The following ERC1 variants were observed in gnomAD, a reference collection of about 807,000 sequenced individuals.
ERC1 encodes the protein RAB6 interacting protein 2.
In ERC1, 56 loss-of-function variants were observed where a neutral mutation model predicts 132.0. That is an observed-to-expected ratio of 0.42 (90% CI 0.34 to 0.53). The LOEUF is 0.53. Ranked by LOEUF, ERC1 falls within the 20% of genes least tolerant of loss-of-function variation. The probability of loss-of-function intolerance (pLI) is 0.03; values close to 1 mark genes in which losing one functional copy is unlikely to be tolerated. For synonymous variants in ERC1, 478 were observed against 476.1 expected, an observed-to-expected ratio of 1.00 and a Z score of -0.05; for missense variants, 1,202 against 1,349.9, an observed-to-expected ratio of 0.89 and a Z score of 1.72.
intron 8 of ERC1, among the ~76,000 whole-genome samples, chr12:1,170,739 G>A (rs979690741): frequency 6.6e-6 from 1 of 152,114 alleles, no homozygotes. Flanking sequence ...GTTCTAATGC[G>A]AGAGGCCCCT....
At chr12:1,218,400 A>T (rs76280893) in intron 12 of ERC1, among the ~76,000 whole-genome samples, 3,154 of 152,086 alleles carry the variant, frequency 0.021, 103 homozygotes, top group African/African-American at 0.072. Flanking sequence ...TTAATGTCTT[A>T]AAAAAAATCG....
At chr12:1,244,822 T>C in intron 13 of ERC1, 1 of 183,402 alleles carries the variant, frequency 5.5e-6, no homozygotes, top group South Asian at 9.3e-5. Context: ...CCTGGCCTTA[T>C]ACTTAATGTT....
At chr12:1,013,751 T>A (rs1486902345) in intron 1 of ERC1, among the ~76,000 whole-genome samples, 2 of 152,194 alleles carry the variant, frequency 1.3e-5, no homozygotes, top group Non-Finnish European at 2.9e-5. Context: ...TGTCTTTGGG[T>A]CTGTCTGTCT....
At chr12:1,243,130 T>C (rs2075923464) in intron 13 of ERC1, among the ~76,000 whole-genome samples, 1 of 140,186 alleles carries the variant, frequency 7.1e-6, no homozygotes, top group South Asian at 2.2e-4. Context: ...GAGCTTGCAG[T>C]GAGCTGAGAT....
intron 18 of ERC1, among the ~76,000 whole-genome samples, chr12:1,473,709 C>T (rs2093915871): frequency 6.6e-6 from 1 of 151,744 alleles, no homozygotes; most frequent in South Asian, 2.1e-4. Flanking sequence ...CCACTTCCGG[C>T]CCACTTGCAC....
chr12:1,207,806 G>A (rs2154288733), intron 12 of ERC1, among the ~76,000 whole-genome samples: 1 of 152,322 alleles, frequency 6.6e-6, no homozygotes, highest in East Asian at 1.9e-4. Context: ...ATTCAACAGA[G>A]AAGGGAAGAA....
chr12:1,325,452 G>C (rs1262077869), intron 15 of ERC1, among the ~76,000 whole-genome samples: 1 of 152,074 alleles, frequency 6.6e-6, no homozygotes, highest in East Asian at 1.9e-4. Flanking sequence ...CTGTTTAACT[G>C]GCATTTTCTC....
chr12:1,037,480 G>A (rs986942364), intron 2 of ERC1, among the ~76,000 whole-genome samples: 1 of 152,102 alleles, frequency 6.6e-6, no homozygotes, highest in African/African-American at 2.4e-5. Context: ...TCTGGAACTT[G>A]CCATCTGTTA....
At chr12:1,013,915 T>G (rs1255026607) in intron 1 of ERC1, among the ~76,000 whole-genome samples, 1 of 152,082 alleles carries the variant, frequency 6.6e-6, no homozygotes, top group Non-Finnish European at 1.5e-5. Context: ...AAAAAGTTTT[T>G]TGTGGAGACG....
At chr12:1,055,695 A>G (rs1972824970) in intron 2 of ERC1, among the ~76,000 whole-genome samples, 1 of 152,254 alleles carries the variant, frequency 6.6e-6, no homozygotes, top group East Asian at 1.9e-4. Context: ...TAAAAAGCGC[A>G]AGCTACGGAG....
chr12:1,189,016 A>T (rs867928023), intron 11 of ERC1, among the ~76,000 whole-genome samples: 1 of 152,142 alleles, frequency 6.6e-6, no homozygotes, highest in Non-Finnish European at 1.5e-5. Context: ...CTTTTGTAGG[A>T]TCCTGAATAA....
Position 1,062,880 on chromosome 12 carries a change from G to A in ERC1, c.670-20284G>A, listed in dbSNP as rs114108139. Among the ~76,000 whole-genome samples the A allele has an allele frequency of 4.2e-3, 645 of 152,286 alleles. 7 individuals are homozygous for A. Among genetic ancestry groups the A allele is most frequent in the African/African-American group, 0.014 (592 of 41,544 alleles). On this transcript the variant is annotated intron_variant, in intron 2 of 18. Coordinates refer to ENST00000360905, the MANE Select transcript of ERC1 (RefSeq NM_178040.4). ...AATAATATTTGCTTTATAGCTGGGT[G>A]CTTTGGTGTTAGGTGCATATGTGTT...
intron 15 of ERC1, among the ~76,000 whole-genome samples, chr12:1,308,481 A>C (rs998878991): frequency 2.6e-5 from 4 of 152,192 alleles, no homozygotes; most frequent in Non-Finnish European, 5.9e-5. Context: ...TCTTAAAGGA[A>C]GTCAGTTTCT....
chr12:1,324,591 T>C (rs1459539292), intron 15 of ERC1, among the ~76,000 whole-genome samples: 1 of 152,182 alleles, frequency 6.6e-6, no homozygotes, highest in African/African-American at 2.4e-5. Context: ...GAATATAAAG[T>C]TCATTTTTTA....
intron 8 of ERC1, among the ~76,000 whole-genome samples, chr12:1,174,357 G>C (rs1043654946): frequency 6.6e-6 from 1 of 152,090 alleles, no homozygotes; most frequent in Non-Finnish European, 1.5e-5. Flanking sequence ...TCCTCTTTTA[G>C]AAGTAAATAA....
chr12:1,402,478 A>C (rs867581806), intron 16 of ERC1, among the ~76,000 whole-genome samples: 77 of 151,782 alleles, frequency 5.1e-4, no homozygotes, highest in African/African-American at 1.7e-3. Context: ...AGCCGAGATC[A>C]CACCACTGCA....
At chr12:1,399,813 C>G (rs73026462) in intron 16 of ERC1, among the ~76,000 whole-genome samples, 10,046 of 152,176 alleles carry the variant, frequency 0.066, 376 homozygotes, top group Middle Eastern at 0.15. Context: ...GGTTGTTCCT[C>G]TTTTTTGACT....
At chr12:1,049,130 T>C (rs2154166874) in intron 2 of ERC1, among the ~76,000 whole-genome samples, 1 of 152,350 alleles carries the variant, frequency 6.6e-6, no homozygotes, top group South Asian at 2.1e-4. Context: ...GCAAATTGTT[T>C]TTTTATGTTT....
intron 14 of ERC1, among the ~76,000 whole-genome samples, chr12:1,268,168 A>G (rs1451081683): frequency 3.9e-5 from 6 of 152,240 alleles, no homozygotes; most frequent in African/African-American, 1.2e-4. Context: ...ATAGAACTAT[A>G]ATTGTATTCC....
Sources: gnomAD v4.1 joint callset for allele counts (sites outside exome capture counted in the v4.1 genomes callset) on GRCh38, gnomAD v4.1.1 for gene constraint, MANE v1.5 for transcripts, NCBI Gene and HGNC (gene_info 2026-07-23, HGNC 2026-07-21) for gene names.